The following ITGBL1 variants were observed in gnomAD, a reference collection of about 807,000 sequenced individuals.
ITGBL1 encodes the protein integrin beta-like protein 1.
A neutral mutation model predicts 68.5 loss-of-function variants in ITGBL1; 51 were observed. The ratio of observed to expected loss-of-function variants is 0.74; its 90% CI spans 0.59 to 0.94. The LOEUF (loss-of-function observed/expected upper bound fraction) is 0.94. Ranked by LOEUF, ITGBL1 falls within the 40% of genes least tolerant of loss-of-function variation. The pLI, the probability that ITGBL1 is intolerant of heterozygous loss-of-function variation, is 0.00. For missense variants in ITGBL1, 649 were observed against 647.4 expected (o/e 1.00, Z -0.03); for synonymous variants, 209 against 227.3 (o/e 0.92, Z 0.72).
chr13:101,554,315 A>G lies in ITGBL1; in HGVS notation c.317-13384A>G, dbSNP rs1188233874. 2.6e-5 allele frequency among the ~76,000 whole-genome samples: 4 copies of G among 152,154 alleles called. No individual in the cohort carries two copies. The South Asian group carries it at 6.2e-4, about 24-fold the overall frequency. ...ATTCCATTTAGGTTGCTCTCAATCA[A>G]TGTGGATTTTCCCTGGAGTCAAGAC... On this transcript the variant is annotated intron_variant, in intron 2 of 10. Transcript: ENST00000376180.
At chr13:101,511,907 G>A (rs1161463352) in intron 2 of ITGBL1, among the ~76,000 whole-genome samples, 1 of 152,102 alleles carries the variant, frequency 6.6e-6, no homozygotes, top group Non-Finnish European at 1.5e-5. Context: ...TGCTGCACTG[G>A]AAAATGAAAA....
chr13:101,568,563 C>T (rs1209658623), intron 3 of ITGBL1, among the ~76,000 whole-genome samples: 1 of 152,068 alleles, frequency 6.6e-6, no homozygotes, highest in Non-Finnish European at 1.5e-5. Context: ...TGTCAGTTCT[C>T]ATGTAGTACA....
At chr13:101,581,427 C>T (rs894938504) in intron 5 of ITGBL1, among the ~76,000 whole-genome samples, 10 of 152,110 alleles carry the variant, frequency 6.6e-5, no homozygotes, top group African/African-American at 2.2e-4. Flanking sequence ...CCTCCTTTTA[C>T]ATTTTGGTAC....
intron 8 of ITGBL1, among the ~76,000 whole-genome samples, chr13:101,697,092 TAGAA>T (rs1328324933): frequency 6.6e-6 from 1 of 152,028 alleles, no homozygotes; most frequent in Non-Finnish European, 1.5e-5. Context: ...TACCCATCAT[TAGAA>T]AGGATTTTTT....
chr13:101,620,028 T>G (rs1320656480), intron 7 of ITGBL1, among the ~76,000 whole-genome samples: 1 of 152,180 alleles, frequency 6.6e-6, no homozygotes, highest in Non-Finnish European at 1.5e-5. Flanking sequence ...GATTACACAT[T>G]AACATATTTT....
chr13:101,608,817 C>T (rs1316061766), intron 7 of ITGBL1, among the ~76,000 whole-genome samples: 1 of 151,992 alleles, frequency 6.6e-6, no homozygotes, highest in Non-Finnish European at 1.5e-5. Flanking sequence ...AAACTATAGC[C>T]AAAGATGATA....
intron 7 of ITGBL1, among the ~76,000 whole-genome samples, chr13:101,671,276 G>C (rs2033352027): frequency 6.6e-6 from 1 of 152,030 alleles, no homozygotes. Context: ...TTAATTACAT[G>C]AAGTGAAATA....
intron 7 of ITGBL1, among the ~76,000 whole-genome samples, chr13:101,649,813 T>G (rs2139449408): frequency 6.6e-6 from 1 of 152,350 alleles, no homozygotes; most frequent in Admixed American, 6.5e-5. Flanking sequence ...ATTAAGACTT[T>G]AGGACACGTC....
At chr13:101,701,444 A>G (rs56162171) in intron 8 of ITGBL1, among the ~76,000 whole-genome samples, 28,452 of 152,086 alleles carry the variant, frequency 0.19, 3,213 homozygotes, top group East Asian at 0.52. Flanking sequence ...GAGGCAGGAG[A>G]ATGGCTTGAA....
Position 101,588,297 on chromosome 13 carries a change from T to TTGTGTG in ITGBL1, c.868+4954_868+4959dup, listed in dbSNP as rs10661136. ...CAACACCAAGCACTGTATTCTTCCATTGTGTGTGTGTGTGTGTGCATGTGT... is the reference window on the plus strand; with the variant it reads ...CAACACCAAGCACTGTATTCTTCCATTGTGTGTGTGTGTGTGTGTGTGTGCATGTGT... On this transcript the variant is annotated intron_variant, in intron 6 of 10. Coordinates refer to ENST00000376180, the MANE Select transcript of ITGBL1 (RefSeq NM_004791.3). Among the ~76,000 whole-genome samples the TTGTGTG allele has an allele frequency of 2.1e-3, 321 of 149,712 alleles. 2 individuals carry two copies. In the South Asian group the frequency reaches 0.038, roughly 18 times the overall value.
At chr13:101,657,990 A>C (rs976158407) in intron 7 of ITGBL1, among the ~76,000 whole-genome samples, 1 of 152,194 alleles carries the variant, frequency 6.6e-6, no homozygotes, top group Admixed American at 6.5e-5. Flanking sequence ...AGATGCTTTT[A>C]TCCAAAAAAT....
chr13:101,620,252 A>G (rs1310341230), intron 7 of ITGBL1, among the ~76,000 whole-genome samples: 1 of 152,180 alleles, frequency 6.6e-6, no homozygotes, highest in African/African-American at 2.4e-5. Context: ...AGTCCTTTTT[A>G]ATAAAATGAA....
intron 7 of ITGBL1, among the ~76,000 whole-genome samples, chr13:101,644,049 C>T (rs891173256): frequency 6.6e-6 from 1 of 152,092 alleles, no homozygotes; most frequent in Admixed American, 6.5e-5. Context: ...GGCCCAGATC[C>T]CTGGCTGGCC....
At chr13:101,678,161 C>T (rs2033550697) in intron 7 of ITGBL1, among the ~76,000 whole-genome samples, 2 of 152,194 alleles carry the variant, frequency 1.3e-5, no homozygotes, top group Non-Finnish European at 2.9e-5. Flanking sequence ...CATGAATTTG[C>T]ATCATCCCAA....
At chr13:101,457,522 T>C (rs1277858552) in intron 2 of ITGBL1, among the ~76,000 whole-genome samples, 2 of 152,230 alleles carry the variant, frequency 1.3e-5, no homozygotes, top group Non-Finnish European at 2.9e-5. Context: ...AGTGTCCACT[T>C]GTTCGTGGCA....
chr13:101,499,445 A>G (rs1447690440), intron 2 of ITGBL1, among the ~76,000 whole-genome samples: 1 of 152,202 alleles, frequency 6.6e-6, no homozygotes, highest in Non-Finnish European at 1.5e-5. Context: ...TTACAGTAGA[A>G]GGCAGTAGAA....
rs180971634 is a variant in ITGBL1 at position 101,474,801 on chromosome 13, T to C, written c.316+20701T>C. Among the ~76,000 whole-genome samples the C allele has an allele frequency of 2.8e-4, 43 of 152,334 alleles. No individual in the cohort carries two copies. In the East Asian group the frequency reaches 7.2e-3, roughly 25 times the overall value. ...TGCCTGGTAATTCAAGGAATTCTCC[T>C]GGATCTTATCCAGGACCACCAAGGA... On this transcript the variant is annotated intron_variant, in intron 2 of 10. Transcript: ENST00000376180.
At chr13:101,533,004 A>G (rs1377591268) in intron 2 of ITGBL1, among the ~76,000 whole-genome samples, 1 of 152,234 alleles carries the variant, frequency 6.6e-6, no homozygotes, top group South Asian at 2.1e-4. Context: ...TAAACTAAGC[A>G]TAGGCCAAAG....
At chr13:101,454,399 T>TCCCCCCCCCCCCC (rs10524609) in intron 2 of ITGBL1, among the ~76,000 whole-genome samples, 1 of 135,812 alleles carries the variant, frequency 7.4e-6, no homozygotes, top group Non-Finnish European at 1.7e-5. Flanking sequence ...CCCTGGCTGG[T>TCCCCCCCCCCCCC]CCCCCCCCCC....
Sources: allele counts gnomAD v4.1 joint callset (sites outside exome capture counted in the v4.1 genomes callset), GRCh38; gene constraint gnomAD v4.1.1; transcripts MANE v1.5; gene names NCBI Gene and HGNC (gene_info 2026-07-23, HGNC 2026-07-21).